EFR3B: variants seen among roughly 807,000 people sequenced by gnomAD.
EFR3B encodes EFR3 homolog B.
Under a neutral mutation model 104.7 loss-of-function variants are expected in EFR3B, and 64 were observed. The observed-to-expected ratio is 0.61, with a 90% CI of 0.50 to 0.75. The LOEUF (loss-of-function observed/expected upper bound fraction) is 0.75, where lower values mean the gene tolerates loss of function less well. Ranked by LOEUF, EFR3B falls within the 30% of genes least tolerant of loss-of-function variation. The probability of loss-of-function intolerance (pLI) is 0.00; values close to 1 mark genes in which losing one functional copy is unlikely to be tolerated. For missense variants in EFR3B, 750 were observed against 1,078.5 expected (o/e 0.70, Z 4.27); for synonymous variants, 385 against 417.9 (o/e 0.92, Z 0.96).
intron 1 of EFR3B, among the ~76,000 whole-genome samples, chr2:25,065,327 C>T (rs990227027): frequency 4.0e-5 from 6 of 149,230 alleles, no homozygotes; most frequent in African/African-American, 9.8e-5. Flanking sequence ...ACTACAGGTG[C>T]GCATCACCAC....
At chr2:25,135,160 TGTTA>T (rs1670484825) in intron 12 of EFR3B, among the ~76,000 whole-genome samples, 1 of 152,162 alleles carries the variant, frequency 6.6e-6, no homozygotes, top group Admixed American at 6.5e-5. Context: ...CTGGCTGGAA[TGTTA>T]GGTTCAGAGA....
chr2:25,124,463 A>C (rs375351459), intron 5 of EFR3B, among the ~76,000 whole-genome samples: 54 of 152,128 alleles, frequency 3.5e-4, no homozygotes, highest in African/African-American at 1.3e-3. Context: ...GCAGTGGCTC[A>C]CGCCTGTAAT....
intron 5 of EFR3B, 139 bp from the exon 6 acceptor site, chr2:25,128,044 G>A: frequency 1.1e-6 from 1 of 926,872 alleles, no homozygotes. Flanking sequence ...TCTCATGAGA[G>A]TAGCAGCTGG....
intron 5 of EFR3B, among the ~76,000 whole-genome samples, chr2:25,126,026 G>C (rs1346548988): frequency 6.6e-6 from 1 of 152,230 alleles, no homozygotes; most frequent in African/African-American, 2.4e-5. Flanking sequence ...AATTGAAATA[G>C]CTACAAAATG....
chr2:25,103,548 C>A, intron 3 of EFR3B, 89 bp from the exon 4 acceptor site: 1 of 1,477,758 alleles, frequency 6.8e-7, no homozygotes, highest in Admixed American at 2.2e-5. Flanking sequence ...CTGCATTGCC[C>A]AGGTCACCAC....
chr2:25,128,442 A>T, intron 6 of EFR3B, 110 bp downstream of exon 6: 1 of 1,399,564 alleles, frequency 7.1e-7, no homozygotes, highest in Non-Finnish European at 9.7e-7. Flanking sequence ...AAGGCCAGGG[A>T]CATGGCTTTG....
In EFR3B at chr2:25,137,577, G is replaced by C; in HGVS notation, c.1722+75G>C. On this transcript the variant is annotated intron_variant, in intron 15 of 22. Coordinates refer to ENST00000403714, the MANE Select transcript of EFR3B (RefSeq NM_014971.2). This position sits in a 1 kb window ranked among gnomAD's most constrained non-coding sequence, Gnocchi z 4.7. ...TTGTTTTGGGCAAGCCCTGATAAGAGTATTGACTAGCAACTGCTTAACACT... is the reference window on the plus strand; with the variant it reads ...TTGTTTTGGGCAAGCCCTGATAAGACTATTGACTAGCAACTGCTTAACACT... 6.5e-7 allele frequency: 1 copy of C among 1,534,474 alleles called. No homozygotes were observed. The highest frequency in any genetic ancestry group is 8.8e-7 in the Non-Finnish European group (1 of 1,135,412).
intron 5 of EFR3B, among the ~76,000 whole-genome samples, chr2:25,125,719 C>A (rs1045073645): frequency 6.6e-6 from 1 of 152,196 alleles, no homozygotes; most frequent in South Asian, 2.1e-4. Flanking sequence ...GAGGCCAAGG[C>A]GGGAGGATCA....
Position 25,068,413 on chromosome 2 carries a change from G to A in EFR3B, c.8-22912G>A, listed in dbSNP as rs1018977993. On this transcript the variant is annotated intron_variant, in intron 1 of 22. Transcript: ENST00000403714. ...TAGACAGCAGGCATCTGCAAGCTGA[G>A]TCAATGCAGGCTTGAGGAAGATCGG... 2.0e-5 allele frequency among the ~76,000 whole-genome samples: 3 copies of A among 152,248 alleles called. No individual in the cohort carries two copies. In the East Asian group the frequency reaches 5.8e-4, roughly 29 times the overall value.
At chr2:25,059,080 A>G (rs1668107016) in intron 1 of EFR3B, among the ~76,000 whole-genome samples, 1 of 152,034 alleles carries the variant, frequency 6.6e-6, no homozygotes, top group African/African-American at 2.4e-5. Flanking sequence ...ACAAAATGCA[A>G]TATCTGTGTA....
At chr2:25,149,387 C>T (rs535999224) in intron 19 of EFR3B, among the ~76,000 whole-genome samples, 1 of 152,230 alleles carries the variant, frequency 6.6e-6, no homozygotes, top group East Asian at 1.9e-4. Context: ...GTGTTTTCCT[C>T]CCATGGTGCT....
chr2:25,089,597 C>T (rs2149183773), intron 1 of EFR3B, among the ~76,000 whole-genome samples: 1 of 152,272 alleles, frequency 6.6e-6, no homozygotes, highest in African/African-American at 2.4e-5. Flanking sequence ...GAAGACTGGG[C>T]AGCTGCAGGT....
chr2:25,051,214 C>T (rs770620904), intron 1 of EFR3B, among the ~76,000 whole-genome samples: 8 of 151,982 alleles, frequency 5.3e-5, no homozygotes, highest in South Asian at 2.1e-4. Context: ...TGGGTTCAAG[C>T]GATTCTCATG....
At chr2:25,118,146 A>T (rs1558608683) in intron 4 of EFR3B, among the ~76,000 whole-genome samples, 1 of 151,760 alleles carries the variant, frequency 6.6e-6, no homozygotes, top group African/African-American at 2.4e-5. Context: ...TGCCTGGCAA[A>T]TTTTTTGTAT....
At chr2:25,044,935 G>C (rs1667676141) in intron 1 of EFR3B, among the ~76,000 whole-genome samples, 1 of 152,180 alleles carries the variant, frequency 6.6e-6, no homozygotes, top group African/African-American at 2.4e-5. Context: ...TTGTTCTGAG[G>C]TCATCCCATC....
chr2:25,126,844 C>A (rs1433687840), intron 5 of EFR3B, among the ~76,000 whole-genome samples: 3 of 151,848 alleles, frequency 2.0e-5, no homozygotes, highest in African/African-American at 7.3e-5. Flanking sequence ...ATGGCAATGA[C>A]TTGAAACATA....
intron 1 of EFR3B, among the ~76,000 whole-genome samples, chr2:25,062,332 C>T (rs1668219442): frequency 6.6e-6 from 1 of 152,162 alleles, no homozygotes; most frequent in Admixed American, 6.5e-5. Flanking sequence ...AGGGGATTAG[C>T]AATGTCCTAC....
intron 5 of EFR3B, among the ~76,000 whole-genome samples, chr2:25,123,703 A>G (rs1332618086): frequency 6.6e-6 from 1 of 152,262 alleles, no homozygotes; most frequent in East Asian, 1.9e-4. Context: ...CCATGGCCAC[A>G]TATGTCTGTA....
intron 1 of EFR3B, among the ~76,000 whole-genome samples, chr2:25,087,086 CCTT>C (rs1227570059): frequency 6.6e-6 from 1 of 152,154 alleles, no homozygotes; most frequent in Non-Finnish European, 1.5e-5. Flanking sequence ...GCAAACACGT[CCTT>C]CATATGGCGG....
Sources: allele counts gnomAD v4.1 joint callset (sites outside exome capture counted in the v4.1 genomes callset), GRCh38; gene constraint gnomAD v4.1.1; non-coding constraint Gnocchi (gnomAD v3.1); transcripts MANE v1.5; gene names NCBI Gene and HGNC (gene_info 2026-07-23, HGNC 2026-07-21).